KIF15: variants seen among roughly 807,000 people sequenced by gnomAD.
KIF15 encodes the protein kinesin-like protein KIF15.
Under a neutral mutation model 190.6 loss-of-function variants are expected in KIF15, and 140 were observed. That is an observed-to-expected ratio of 0.73 (90% CI 0.64 to 0.84). The LOEUF (loss-of-function observed/expected upper bound fraction) is 0.84, where lower values mean the gene tolerates loss of function less well. Ranked by LOEUF, KIF15 falls within the 40% of genes least tolerant of loss-of-function variation. The pLI is 0.00. For synonymous variants in KIF15, 528 were observed against 551.3 expected, an observed-to-expected ratio of 0.96 and a Z score of 0.59; for missense variants, 1,372 against 1,584.4, an observed-to-expected ratio of 0.87 and a Z score of 2.28.
At chr3:44,797,058 C>T (rs189646284) in intron 8 of KIF15, among the ~76,000 whole-genome samples, 1 of 152,050 alleles carries the variant, frequency 6.6e-6, no homozygotes, top group Non-Finnish European at 1.5e-5. Flanking sequence ...GAGAGGGTCT[C>T]ACTCTGTCAC....
intron 1 of KIF15, among the ~76,000 whole-genome samples, chr3:44,762,959 A>T (rs189131161): frequency 2.3e-3 from 357 of 152,314 alleles, no homozygotes; most frequent in Non-Finnish European, 4.0e-3. Flanking sequence ...CAGTCACTAA[A>T]TCTGGACTCA....
rs370611319 is a variant in KIF15 at position 44,801,802 on chromosome 3, C to T, written c.1337C>T (p.Thr446Ile). The change falls in exon 13 of 35, where the codon ACC becomes ATC. Residue 446 changes from threonine (T) to isoleucine (I), a missense_variant. Transcript: ENST00000326047. ...AAAGTTACCCAATTAGAAGACCTCA[C>T]CCTCAAAAAGGAAAAATTTATTCAA... ...IEKVTQLEDL[T>I]LKKEKFIQSN... The T allele has an allele frequency of 5.6e-6, 9 of 1,601,160 alleles. No individual in the cohort carries two copies. Among genetic ancestry groups the T allele is most frequent in the African/African-American group, 1.3e-5 (1 of 74,616 alleles).
rs1248382101 is a variant in KIF15 at position 44,830,877 on chromosome 3, A to G, written c.3049-19A>G. 3.7e-6 allele frequency: 6 copies of G among 1,605,900 alleles called. No individual in the cohort carries two copies. Among genetic ancestry groups the G allele is most frequent in the Non-Finnish European group, 5.1e-6 (6 of 1,177,496 alleles). On this transcript the variant is annotated intron_variant, in intron 25 of 34. Transcript: ENST00000326047. Reference sequence around the variant, plus strand: ...CAGGAAATAAAATGGCTCTTATAGCATGACTTTCTTTTCTACAGTGCAAAT... The same window carrying G: ...CAGGAAATAAAATGGCTCTTATAGCGTGACTTTCTTTTCTACAGTGCAAAT...
In KIF15 at chr3:44,775,389, G is replaced by T. The variant is rs1349424757; in HGVS notation, c.198G>T (p.Glu66Asp). 6.2e-7 allele frequency: 1 copy of T among 1,613,916 alleles called. No homozygotes were observed. Among genetic ancestry groups the T allele is most frequent in the Admixed American group, 1.7e-5 (1 of 59,994 alleles). ...STSLRLHSNP[E>D]PKTFTFDHVA... Reference sequence around the variant, plus strand: ...GTCTCCGGCTGCACTCCAACCCTGAGCCCAAGACCTTCACGTTTGATCATG... The same window carrying T: ...GTCTCCGGCTGCACTCCAACCCTGATCCCAAGACCTTCACGTTTGATCATG... The change falls in exon 3 of 35, where the codon GAG (glutamate) becomes GAT (aspartate). Residue 66 changes from glutamate (E) to aspartate (D), a missense_variant. Glu to Asp is a conservative substitution (Grantham distance 45). Transcript: ENST00000326047.
intron 1 of KIF15, among the ~76,000 whole-genome samples, chr3:44,772,620 G>A (rs4522810): frequency 8.5e-5 from 13 of 152,104 alleles, no homozygotes; most frequent in Admixed American, 5.2e-4. Context: ...CTTATTACCC[G>A]ACATTAGCCA....
In KIF15 at chr3:44,761,843, C is replaced by T. The variant is rs758565130; in HGVS notation, c.-23C>T. ...GTGGAGGCACCGGCTGCATTGTTTT[C>T]GGGATCGAGGGGTGAGGGCGCTATG... On this transcript the variant is annotated 5_prime_UTR_variant, in exon 1 of 35. Transcript: ENST00000326047. The T allele has an allele frequency of 5.6e-6, 9 of 1,614,028 alleles. No individual in the cohort carries two copies. Among genetic ancestry groups the T allele is most frequent in the Non-Finnish European group, 7.6e-6 (9 of 1,180,032 alleles).
intron 16 of KIF15, among the ~76,000 whole-genome samples, chr3:44,806,901 A>G (rs1196713748): frequency 1.3e-5 from 2 of 151,918 alleles, no homozygotes; most frequent in African/African-American, 4.8e-5. Flanking sequence ...GCCTGCCACC[A>G]TGCCCGGATA....
intron 2 of KIF15, among the ~76,000 whole-genome samples, chr3:44,774,679 G>C (rs1045453611): frequency 1.3e-5 from 2 of 152,190 alleles, no homozygotes; most frequent in South Asian, 2.1e-4. Flanking sequence ...AGGGAAATGA[G>C]AGACAAGCAC....
intron 6 of KIF15, chr3:44,864,012 A>T (rs1012516288): frequency 1.7e-6 from 1 of 595,136 alleles, no homozygotes; most frequent in Non-Finnish European, 2.9e-6. Flanking sequence ...TATTTGTAAG[A>T]TGGGTCTGCT....
intron 5 of KIF15, among the ~76,000 whole-genome samples, chr3:44,784,609 C>T (rs1031399348): frequency 6.6e-6 from 1 of 152,212 alleles, no homozygotes; most frequent in African/African-American, 2.4e-5. Flanking sequence ...GAGCACAGGT[C>T]AGTCTATGAG....
chr3:44,862,103 C>T lies in KIF15; in HGVS notation c.*59+9309C>T, dbSNP rs1699261132. 4.0e-6 allele frequency: 5 copies of T among 1,254,296 alleles called. No homozygotes were observed. The East Asian group carries it at 1.6e-4, about 39-fold the overall frequency. 77.7% of individuals were successfully genotyped at this position (1,254,296 alleles called of 1,614,324 possible). A position where few individuals can be genotyped will look rare whatever the true frequency, so the allele number is the denominator to read the frequency against. ...CTGGCCGCCGCCTCCGCCAAGCTGG[C>T]CTTCGGCAGCGAGGTCGAGCCCGGG... On this transcript the variant is annotated intron_variant and NMD_transcript_variant, in intron 6 of 6. Coordinates refer to the KIF15 transcript ENST00000422209.
intron 7 of KIF15, among the ~76,000 whole-genome samples, 192 bp downstream of exon 7, chr3:44,786,766 G>A (rs576235658): frequency 2.6e-5 from 4 of 152,164 alleles, no homozygotes; most frequent in East Asian, 3.9e-4. Context: ...ATGGAACCTC[G>A]AAAGGGCAAT....
At chr3:44,861,771 G>C (rs1463804982) in intron 6 of KIF15, 1 of 829,808 alleles carries the variant, frequency 1.2e-6, no homozygotes, top group African/African-American at 1.8e-5. Context: ...CTGCCACCTG[G>C]CCCGCCCCCT....
intron 26 of KIF15, among the ~76,000 whole-genome samples, chr3:44,834,717 G>A (rs1291767045): frequency 4.0e-5 from 6 of 151,056 alleles, no homozygotes; most frequent in Non-Finnish European, 7.4e-5. Context: ...AAGGTCAGGA[G>A]ATCGAGACCA....
intron 26 of KIF15, among the ~76,000 whole-genome samples, chr3:44,835,397 G>A (rs766184026): frequency 5.9e-5 from 9 of 151,894 alleles, no homozygotes; most frequent in Admixed American, 3.3e-4. Flanking sequence ...GCAGCACCAC[G>A]CCTGGCTAAT....
At chr3:44,849,315 T>A (rs1698978993) in intron 32 of KIF15, among the ~76,000 whole-genome samples, 1 of 152,180 alleles carries the variant, frequency 6.6e-6, no homozygotes, top group Admixed American at 6.5e-5. Flanking sequence ...ATATACAATA[T>A]AGTGACATTT....
Position 44,841,874 on chromosome 3 carries a change from T to A in KIF15, c.3585+636T>A, listed in dbSNP as rs924981043. Among the ~76,000 whole-genome samples the A allele has an allele frequency of 2.0e-5, 3 of 152,248 alleles. No individual in the cohort carries two copies. The South Asian group carries it at 6.2e-4, about 31-fold the overall frequency. ...GCCCCTTTCTTTTAGAGCTTTTTAA[T>A]GCATACATAACCACATCGCTAAGCA... On this transcript the variant is annotated intron_variant, in intron 29 of 34. Coordinates refer to ENST00000326047, the MANE Select transcript of KIF15 (RefSeq NM_020242.3).
intron 1 of KIF15, among the ~76,000 whole-genome samples, chr3:44,768,076 C>A (rs187675246): frequency 3.8e-4 from 57 of 151,788 alleles, no homozygotes; most frequent in African/African-American, 1.3e-3. Context: ...GAGATCAAGA[C>A]CATCCTGGCC....
chr3:44,840,927 G>A, intron 28 of KIF15, 147 bp from the exon 29 acceptor site: 2 of 727,808 alleles, frequency 2.7e-6, no homozygotes, highest in South Asian at 1.9e-5. Context: ...GCCCACCTCG[G>A]CCTCCCAAAG....
Sources: gnomAD v4.1 joint callset for allele counts (sites outside exome capture counted in the v4.1 genomes callset) on GRCh38, gnomAD v4.1.1 for gene constraint, MANE v1.5 for transcripts, NCBI Gene and HGNC (gene_info 2026-07-23, HGNC 2026-07-21) for gene names.